RPL14: variants seen among roughly 807,000 people sequenced by gnomAD.
RPL14 encodes ribosomal protein L14.
A neutral mutation model predicts 25.3 loss-of-function variants in RPL14; 4 were observed. That is an observed-to-expected ratio of 0.16 (90% CI 0.08 to 0.36). RPL14 has a LOEUF of 0.36. Among genes scored for constraint, RPL14 ranks in the 10% least tolerant of loss-of-function variants. The probability of loss-of-function intolerance (pLI) is 1.00; values close to 1 mark genes in which losing one functional copy is unlikely to be tolerated. For missense variants in RPL14, 212 were observed against 261.9 expected, an observed-to-expected ratio of 0.81 and a Z score of 1.31; for synonymous variants, 75 against 89.8, an observed-to-expected ratio of 0.84 and a Z score of 0.93.
chr3:40,457,755 C>T, intron 1 of RPL14, 135 bp from the exon 2 acceptor site: 5 of 862,124 alleles, frequency 5.8e-6, no homozygotes, highest in South Asian at 4.8e-5. Flanking sequence ...CAGGTTGGCG[C>T]CTGGCTCTCG....
At chr3:40,459,126 G>C (rs1416753509) in intron 3 of RPL14, 1 of 203,382 alleles carries the variant, frequency 4.9e-6, no homozygotes, top group East Asian at 1.4e-4. Flanking sequence ...CGAGGCTGCA[G>C]AGAGCCGTGA....
Position 40,462,373 on chromosome 3 carries a change from C to CTTTGTTTTTTTTT in RPL14, c.*144_*145insGTTTTTTTTTTTT, listed in dbSNP as rs1696955653. 1 of 286,810 alleles carries CTTTGTTTTTTTTT rather than the reference C, an allele frequency of 3.5e-6. No individual in the cohort carries two copies. The highest frequency in any genetic ancestry group is 3.6e-5 in the African/African-American group (1 of 27,856). 17.8% of individuals were successfully genotyped at this position (286,810 alleles called of 1,614,324 possible). On this transcript the variant is annotated 3_prime_UTR_variant, in exon 6 of 6. Coordinates refer to ENST00000396203, the MANE Select transcript of RPL14 (RefSeq NM_001034996.3). Reference sequence around the variant, plus strand: ...ATAATAAACATTAAATAATCAGTTCCTTTTTTTTTTTTTTTTTTTTTGAGA... The same window carrying CTTTGTTTTTTTTT: ...ATAATAAACATTAAATAATCAGTTCCTTTGTTTTTTTTTTTTTTTTTTTTTTTTTTTTTTGAGA...
Position 40,462,373 on chromosome 3 carries a change from CTTTTTTTTTTT to C in RPL14, c.*152_*162del, listed in dbSNP as rs35229215. ...ATAATAAACATTAAATAATCAGTTC[CTTTTTTTTTTT>C]TTTTTTTTTTGAGATGGAGTCTCGT... is the stretch of plus-strand genomic sequence containing the variant. On this transcript the variant is annotated 3_prime_UTR_variant, in exon 6 of 6. Coordinates refer to ENST00000396203, the MANE Select transcript of RPL14 (RefSeq NM_001034996.3). 386 of 332,528 alleles carry C rather than the reference CTTTTTTTTTTT, an allele frequency of 1.2e-3. 1 individual carries two copies. The African/African-American group carries it at 0.012, about 11-fold the overall frequency. 20.6% of individuals were successfully genotyped at this position (332,528 alleles called of 1,614,324 possible). A position where few individuals can be genotyped will look rare whatever the true frequency, so the allele number is the denominator to read the frequency against.
At chr3:40,457,549 G>A in intron 1 of RPL14, 75 bp downstream of exon 1, 1 of 1,299,256 alleles carries the variant, frequency 7.7e-7, no homozygotes, top group South Asian at 1.3e-5. Flanking sequence ...ACTCGCCGCT[G>A]GCGAGCGCGT....
At chr3:40,459,884 A>G (rs4974026) in intron 3 of RPL14, among the ~76,000 whole-genome samples, 134,983 of 142,116 alleles carry the variant, frequency 0.95, 64,421 homozygotes, top group East Asian at 1. Flanking sequence ...AAAAAAACTT[A>G]CTGTATGCTG....
rs184340534 is a variant in RPL14, at chr3:40,460,589, G to A, written c.201-818G>A. Among the ~76,000 whole-genome samples the A allele has an allele frequency of 4.8e-5, 7 of 144,688 alleles. No homozygotes were observed. In the East Asian group the frequency reaches 1.4e-3, roughly 29 times the overall value. 94.9% of individuals were successfully genotyped at this position (144,688 alleles called of 152,430 possible). On this transcript the variant is annotated intron_variant, in intron 3 of 5. Coordinates refer to ENST00000396203, the MANE Select transcript of RPL14 (RefSeq NM_001034996.3). ...CCGAGTGGAATTATATATAGTCAGA[G>A]GTGGGTTTTTTGTGTTTTTTTTGAG...
At chr3:40,461,544 T>A in intron 4 of RPL14, 38 bp downstream of exon 4, 1 of 1,611,204 alleles carries the variant, frequency 6.2e-7, no homozygotes, top group Non-Finnish European at 8.5e-7. Context: ...GGTCCTTTCT[T>A]TTTTTGGAGG....
intron 3 of RPL14, 40 bp downstream of exon 3, chr3:40,458,776 T>C: frequency 6.5e-7 from 1 of 1,537,756 alleles, no homozygotes. Flanking sequence ...CATCCCCAGA[T>C]TTGTTTATGC....
chr3:40,458,919 T>G (rs1696885334), intron 3 of RPL14, 183 bp downstream of exon 3: 2 of 576,362 alleles, frequency 3.5e-6, no homozygotes, highest in East Asian at 6.1e-5. Context: ...CTCATGCCTG[T>G]AATCCCAGTA....
Position 40,457,505 on chromosome 3 carries a change from A to C in RPL14, c.3+31A>C, listed in dbSNP as rs774686045. 5.3e-6 allele frequency: 8 copies of C among 1,501,926 alleles called. No homozygotes were observed. The East Asian group carries it at 1.7e-4, about 33-fold the overall frequency. The allele number at this position is 1,501,926 out of a possible 1,614,324, so 93.0% of individuals were successfully genotyped here. A position where few individuals can be genotyped will look rare whatever the true frequency, so the allele number is the denominator to read the frequency against. ...GGTCCCCGGGCCGGCTGTGCAGCGG[A>C]ATCGGGCCCTTCCCGGACTCGCGCC... On this transcript the variant is annotated intron_variant, in intron 1 of 5. Transcript: ENST00000396203.
In RPL14 at chr3:40,464,994, C is replaced by T. The variant is rs1697007852; in HGVS notation, c.*2762C>T. The T allele has an allele frequency of 6.1e-6, 1 of 164,848 alleles. No homozygotes were observed. Among genetic ancestry groups the T allele is most frequent in the Non-Finnish European group, 1.3e-5 (1 of 75,020 alleles). 10.2% of individuals were successfully genotyped at this position (164,848 alleles called of 1,614,324 possible). A position where few individuals can be genotyped will look rare whatever the true frequency, so the allele number is the denominator to read the frequency against. On this transcript the variant is annotated 3_prime_UTR_variant, in exon 6 of 6. Coordinates refer to ENST00000396203, the MANE Select transcript of RPL14 (RefSeq NM_001034996.3). ...TAGGCACATAGTCAAAATCCAGTTT[C>T]CTCATCTATGTGGTACGCTTCAGAG...
Position 40,465,372 on chromosome 3 carries a change from T to C in RPL14, c.*3140T>C, listed in dbSNP as rs1459709110. ...GTTCAAATGCTTCTGGGAAAGGAGC[T>C]AATAGGAGAGAAACTTAGCCCTTCG... On this transcript the variant is annotated 3_prime_UTR_variant, in exon 6 of 6. Transcript: ENST00000396203. 1.3e-5 allele frequency: 2 copies of C among 152,040 alleles called. No individual in the cohort carries two copies. The highest frequency in any genetic ancestry group is 4.8e-5 in the African/African-American group (2 of 41,358). 9.4% of individuals were successfully genotyped at this position (152,040 alleles called of 1,614,324 possible).
chr3:40,457,765 G>A, intron 1 of RPL14, 125 bp from the exon 2 acceptor site: 1 of 932,670 alleles, frequency 1.1e-6, no homozygotes. Context: ...CCTGGCTCTC[G>A]GGCGTTTGTT....
rs375761231 is a variant in RPL14, at chr3:40,457,491, C to T, written c.3+17C>T. On this transcript the variant is annotated intron_variant, in intron 1 of 5. Coordinates refer to ENST00000396203, the MANE Select transcript of RPL14 (RefSeq NM_001034996.3). Reference sequence around the variant, plus strand: ...AAGCGCATGGTGAGGGTCCCCGGGCCGGCTGTGCAGCGGAATCGGGCCCTT... The same window carrying T: ...AAGCGCATGGTGAGGGTCCCCGGGCTGGCTGTGCAGCGGAATCGGGCCCTT... 115 of 1,536,804 alleles carry T rather than the reference C, an allele frequency of 7.5e-5. No homozygotes were observed. The highest frequency in any genetic ancestry group is 1.0e-4 in the Non-Finnish European group (115 of 1,134,056).
chr3:40,460,934 T>C (rs1362939952), intron 3 of RPL14, among the ~76,000 whole-genome samples: 1 of 150,220 alleles, frequency 6.7e-6, no homozygotes, highest in Admixed American at 6.6e-5. Context: ...CAGTGGCTCA[T>C]ACCTGTAATC....
rs1697019071 is a variant in RPL14 at position 40,465,778 on chromosome 3, G to A, written c.*3546G>A. ...GTATTCAAGCTGCACCTAGAAAACA[G>A]TGCAATACAGAACAGTGGAAATTGG... is the stretch of plus-strand genomic sequence containing the variant. On this transcript the variant is annotated 3_prime_UTR_variant, in exon 6 of 6. Coordinates refer to ENST00000396203, the MANE Select transcript of RPL14 (RefSeq NM_001034996.3). The A allele has an allele frequency of 6.6e-6, 1 of 152,198 alleles. No homozygotes were observed. The allele number at this position is 152,198 out of a possible 1,614,324, so 9.4% of individuals were successfully genotyped here.
In RPL14 at chr3:40,462,783, C is replaced by T. The variant is rs919883266; in HGVS notation, c.*551C>T. The T allele has an allele frequency of 1.3e-5, 2 of 152,236 alleles. No homozygotes were observed. The highest frequency in any genetic ancestry group is 4.8e-5 in the African/African-American group (2 of 41,440). The allele number at this position is 152,236 out of a possible 1,614,324, so 9.4% of individuals were successfully genotyped here. A position where few individuals can be genotyped will look rare whatever the true frequency, so the allele number is the denominator to read the frequency against. ...CATGAGAAATCATGATAACTTAGAA[C>T]ACCAAGTGACACAAGTGACATTTTT... On this transcript the variant is annotated 3_prime_UTR_variant, in exon 6 of 6. Coordinates refer to ENST00000396203, the MANE Select transcript of RPL14 (RefSeq NM_001034996.3).
Position 40,463,973 on chromosome 3 carries a change from C to CTTT in RPL14, c.*1755_*1757dup, listed in dbSNP as rs34838105. 40 of 143,902 alleles carry CTTT rather than the reference C, an allele frequency of 2.8e-4. No individual in the cohort carries two copies. The highest frequency in any genetic ancestry group is 6.4e-4 in the African/African-American group (25 of 38,974). The allele number at this position is 143,902 out of a possible 1,614,324, so 8.9% of individuals were successfully genotyped here. A position where few individuals can be genotyped will look rare whatever the true frequency, so the allele number is the denominator to read the frequency against. ...CAAAGCTGTACATGAAACAGGATTACTTTTTTTTTTTTTTTTGAGACAGAG... is the reference window on the plus strand; with the variant it reads ...CAAAGCTGTACATGAAACAGGATTACTTTTTTTTTTTTTTTTTTTGAGACAGAG... On this transcript the variant is annotated 3_prime_UTR_variant, in exon 6 of 6. Transcript: ENST00000396203.
chr3:40,458,333 T>C (rs1321913691), intron 2 of RPL14: 15 of 512,560 alleles, frequency 2.9e-5, no homozygotes, highest in African/African-American at 7.6e-5. Context: ...AACTAAGGAG[T>C]TGACCACTGA....
Sources: gnomAD v4.1 joint callset for allele counts (sites outside exome capture counted in the v4.1 genomes callset) on GRCh38, gnomAD v4.1.1 for gene constraint, MANE v1.5 for transcripts, NCBI Gene and HGNC (gene_info 2026-07-23, HGNC 2026-07-21) for gene names.